Variants in ERBIN observed in about 807,000 individuals in gnomAD.
ERBIN encodes erbb2 interacting protein.
In ERBIN, 60 loss-of-function variants were observed where a neutral mutation model predicts 158.4. The ratio of observed to expected loss-of-function variants is 0.38; its 90% CI spans 0.31 to 0.47. The LOEUF is 0.47. ERBIN is among the 20% of genes least tolerant of loss of function. ERBIN has a pLI of 0.99. For synonymous variants in ERBIN, 594 were observed against 557.2 expected (o/e 1.07, Z -0.93); for missense variants, 1,610 against 1,648.0 (o/e 0.98, Z 0.40).
intron 1 of ERBIN, among the ~76,000 whole-genome samples, chr5:65,950,859 G>C (rs747009466): frequency 6.6e-5 from 10 of 152,066 alleles, no homozygotes; most frequent in Middle Eastern, 3.4e-3. Context: ...AAGAGAATAT[G>C]GCATAGTAAG....
intron 1 of ERBIN, among the ~76,000 whole-genome samples, chr5:65,942,907 C>G (rs1745237202): frequency 4.3e-5 from 2 of 46,694 alleles, no homozygotes; most frequent in Admixed American, 1.4e-4. Context: ...GACTCCGTCT[C>G]CAAAAAAAAA....
chr5:66,036,664 A>T (rs902254721), intron 14 of ERBIN, among the ~76,000 whole-genome samples: 1 of 152,202 alleles, frequency 6.6e-6, no homozygotes, highest in Admixed American at 6.5e-5. Flanking sequence ...CAGTAAAGTC[A>T]GTAAAGATAC....
chr5:65,975,096 C>G (rs1412103557), intron 1 of ERBIN, among the ~76,000 whole-genome samples: 1 of 152,174 alleles, frequency 6.6e-6, no homozygotes, highest in Non-Finnish European at 1.5e-5. Flanking sequence ...CAACCTTTGC[C>G]TCCTGGGTTC....
intron 10 of ERBIN, 54 bp from the exon 11 acceptor site, chr5:66,025,425 TG>T: frequency 1.5e-6 from 2 of 1,306,190 alleles, no homozygotes; most frequent in Non-Finnish European, 2.2e-6. Context: ...TGACTGTTGG[TG>T]GACTTGCTTC....
rs764848212 is a variant in ERBIN at position 66,054,181 on chromosome 5, C to A, written c.2863C>A (p.Pro955Thr). The A allele has an allele frequency of 1.9e-6, 3 of 1,613,898 alleles. No individual in the cohort carries two copies. In the African/African-American group the frequency reaches 4.0e-5, roughly 22 times the overall value. The change falls in exon 21 of 26, where the codon CCA (proline) becomes ACA (threonine). Residue 955 changes from proline to threonine, a missense_variant. Coordinates refer to ENST00000284037, the MANE Select transcript of ERBIN (RefSeq NM_001253697.2). ...TGATTCAAATCATAATCCCGAAGAG[C>A]CAAATATAATAAGAGGCCCCACAAG... ...KFDSNHNPEE[P>T]NIIRGPTSGP... is the part of the protein sequence containing the mutation.
At chr5:65,993,105 T>C (rs1752050002) in intron 3 of ERBIN, among the ~76,000 whole-genome samples, 198 bp downstream of exon 3, 1 of 152,206 alleles carries the variant, frequency 6.6e-6, no homozygotes, top group Admixed American at 6.5e-5. Flanking sequence ...GTTAATTGCT[T>C]TTATACTTGT....
intron 21 of ERBIN, among the ~76,000 whole-genome samples, chr5:66,067,563 T>TG (rs1428112298): frequency 1.3e-5 from 2 of 152,302 alleles, no homozygotes; most frequent in Admixed American, 1.3e-4. Context: ...CAGGCAGTAC[T>TG]GGGATTAGCA....
chr5:65,973,910 A>C (rs1749563540), intron 1 of ERBIN, among the ~76,000 whole-genome samples: 2 of 151,348 alleles, frequency 1.3e-5, no homozygotes, highest in South Asian at 4.1e-4. Context: ...GAATTAGGGA[A>C]TCAGTTTAGA....
chr5:66,082,254 C>G lies in ERBIN; in HGVS notation c.*3724C>G, dbSNP rs566965179. On this transcript the variant is annotated 3_prime_UTR_variant, in exon 26 of 26. Coordinates refer to ENST00000284037, the MANE Select transcript of ERBIN (RefSeq NM_001253697.2). Reference sequence around the variant, plus strand: ...ACACCTGAAATTTTTTTTAAGAGAACAACCTAGGTTTTATTGTAGAGAACA... The same window carrying G: ...ACACCTGAAATTTTTTTTAAGAGAAGAACCTAGGTTTTATTGTAGAGAACA... 6.6e-6 allele frequency: 1 copy of G among 152,192 alleles called. No individual in the cohort carries two copies. The highest frequency in any genetic ancestry group is 2.1e-4 in the South Asian group (1 of 4,814). The allele number at this position is 152,192 out of a possible 1,614,324, so 9.4% of individuals were successfully genotyped here. A position where few individuals can be genotyped will look rare whatever the true frequency, so the allele number is the denominator to read the frequency against.
intron 17 of ERBIN, among the ~76,000 whole-genome samples, chr5:66,044,794 T>G (rs1305389158): frequency 1.4e-5 from 2 of 142,714 alleles, no homozygotes; most frequent in African/African-American, 2.6e-5. Context: ...ATAAGGGAGA[T>G]GGCTGGCCAT....
chr5:66,082,106 ATG>A lies in ERBIN; in HGVS notation c.*3577_*3578del, dbSNP rs1762411686. On this transcript the variant is annotated 3_prime_UTR_variant, in exon 26 of 26. Coordinates refer to ENST00000284037, the MANE Select transcript of ERBIN (RefSeq NM_001253697.2). Reference sequence around the variant, plus strand: ...AGAGAATGCTATCTTCTACAGTCTCATGAAGCAGTTTTTCAAGATTAGAATCT... The same window carrying A: ...AGAGAATGCTATCTTCTACAGTCTCAAAGCAGTTTTTCAAGATTAGAATCT... The A allele has an allele frequency of 1.3e-5, 2 of 152,218 alleles. No homozygotes were observed. The highest frequency in any genetic ancestry group is 4.8e-5 in the African/African-American group (2 of 41,456). The allele number at this position is 152,218 out of a possible 1,614,324, so 9.4% of individuals were successfully genotyped here.
At chr5:66,036,711 T>TA (rs1171564336) in intron 14 of ERBIN, among the ~76,000 whole-genome samples, 1 of 152,214 alleles carries the variant, frequency 6.6e-6, no homozygotes, top group Non-Finnish European at 1.5e-5. Context: ...GGACCTGTCA[T>TA]AGTGCTTTGC....
chr5:66,036,093 TAAAAA>T (rs1561406110), intron 14 of ERBIN, among the ~76,000 whole-genome samples: 1 of 152,138 alleles, frequency 6.6e-6, no homozygotes, highest in East Asian at 1.9e-4. Flanking sequence ...AAGATTCTCT[TAAAAA>T]GAAAAGAAAA....
chr5:65,959,148 G>A (rs534549362), intron 1 of ERBIN, among the ~76,000 whole-genome samples: 1 of 152,154 alleles, frequency 6.6e-6, no homozygotes, highest in South Asian at 2.1e-4. Flanking sequence ...TGCGATAATA[G>A]ATGTGTCTAT....
chr5:65,960,886 A>G (rs1005367291), intron 1 of ERBIN, among the ~76,000 whole-genome samples: 24 of 151,988 alleles, frequency 1.6e-4, no homozygotes, highest in African/African-American at 4.6e-4. Flanking sequence ...TGGCTGGAGG[A>G]CATTTGAAAG....
At position 66,053,957 on chromosome 5, in the gene ERBIN, G is replaced by C; in HGVS notation, c.2639G>C (p.Gly880Ala). Residue 880 changes from glycine to alanine, a missense_variant, in exon 21 of 26, where the codon GGG becomes GCG. By Grantham distance (60) the Gly-to-Ala change is moderately conservative. This residue lies in a region of ERBIN where 1,014 missense variants were observed against 936.1 expected (regional missense o/e 1.08). Transcript: ENST00000284037. ...SHSITNMEIGGLKIYDILSDN... is the reference protein window; with the variant it reads ...SHSITNMEIGALKIYDILSDN... ...AGCATAACTAATATGGAGATTGGAG[G>C]GCTAAAAATCTATGATATTCTTAGT... The C allele has an allele frequency of 6.2e-7, 1 of 1,614,048 alleles. No individual in the cohort carries two copies. The highest frequency in any genetic ancestry group is 2.2e-5 in the East Asian group (1 of 44,874).
chr5:66,063,555 A>G (rs112419292), intron 21 of ERBIN, among the ~76,000 whole-genome samples: 6 of 152,110 alleles, frequency 3.9e-5, no homozygotes, highest in African/African-American at 1.2e-4. Flanking sequence ...TTCTGCACCC[A>G]CTGTCCGGCA....
intron 1 of ERBIN, among the ~76,000 whole-genome samples, chr5:65,963,801 T>C (rs1478810366): frequency 6.7e-6 from 1 of 149,938 alleles, no homozygotes; most frequent in African/African-American, 2.5e-5. Flanking sequence ...TCTTTTTTTT[T>C]TTTTTTGAGA....
chr5:65,958,791 G>A (rs1047326818), intron 1 of ERBIN, among the ~76,000 whole-genome samples: 2 of 152,166 alleles, frequency 1.3e-5, no homozygotes, highest in Non-Finnish European at 2.9e-5. Flanking sequence ...ACAGTGTTTG[G>A]TAGAGTACAT....
Sources: allele counts gnomAD v4.1 joint callset (sites outside exome capture counted in the v4.1 genomes callset), GRCh38; gene constraint gnomAD v4.1.1; regional missense constraint gnomAD v4.1.1; transcripts MANE v1.5; gene names NCBI Gene and HGNC (gene_info 2026-07-23, HGNC 2026-07-21).